The following KCNJ3 variants were observed in gnomAD, a reference collection of about 807,000 sequenced individuals.
The protein encoded by KCNJ3 is potassium inwardly rectifying channel subfamily J member 3, also known as G protein-activated inward rectifier potassium channel 1.
Under a neutral mutation model 39.2 loss-of-function variants are expected in KCNJ3, and 4 were observed. That is an observed-to-expected ratio of 0.10 (90% confidence interval 0.05 to 0.23). The LOEUF is 0.23. Among genes scored for constraint, KCNJ3 ranks in the 10% least tolerant of loss-of-function variants. The pLI, the probability that KCNJ3 is intolerant of heterozygous loss-of-function variation, is 1.00. For missense variants in KCNJ3, 276 were observed against 634.9 expected (o/e 0.43, Z 6.08); for synonymous variants, 230 against 237.4 (o/e 0.97, Z 0.29).
rs57495585 is a variant in KCNJ3, at chr2:154,798,188, G to GCACA, written c.920-56509_920-56506dup. On this transcript the variant is annotated intron_variant, in intron 2 of 2. Transcript: ENST00000295101. Reference sequence around the variant, plus strand: ...CACAAATACCCATCATTCGAACACCGCACACACACACACACACACACACAC... The same window carrying GCACA: ...CACAAATACCCATCATTCGAACACCGCACACACACACACACACACACACACACAC... 9.8e-3 allele frequency among the ~76,000 whole-genome samples: 1,123 copies of GCACA among 114,788 alleles called. 10 individuals carry two copies. Among genetic ancestry groups the GCACA allele is most frequent in the African/African-American group, 0.014 (468 of 32,362 alleles). The allele number at this position is 114,788 out of a possible 152,430, so 75.3% of individuals were successfully genotyped here.
At chr2:154,716,200 C>A (rs534727919) in intron 2 of KCNJ3, among the ~76,000 whole-genome samples, 4 of 151,410 alleles carry the variant, frequency 2.6e-5, no homozygotes, top group African/African-American at 9.7e-5. Context: ...GGGTTCATGC[C>A]GTGGGTTCAT....
At chr2:154,809,993 G>C (rs963953022) in intron 2 of KCNJ3, among the ~76,000 whole-genome samples, 3 of 152,016 alleles carry the variant, frequency 2.0e-5, no homozygotes, top group Admixed American at 6.6e-5. Context: ...GTTCAGTTCA[G>C]TATCACATAT....
chr2:154,828,774 T>G (rs1687312487), intron 2 of KCNJ3, among the ~76,000 whole-genome samples: 1 of 152,186 alleles, frequency 6.6e-6, no homozygotes, highest in Non-Finnish European at 1.5e-5. Flanking sequence ...AAGTCTTGTA[T>G]CTTTTCAAAA....
chr2:154,769,260 G>C (rs28877634), intron 2 of KCNJ3, among the ~76,000 whole-genome samples: 51,918 of 151,936 alleles, frequency 0.34, 9,596 homozygotes, highest in Non-Finnish European at 0.42. Context: ...TCCCTGTCTT[G>C]TGCCAGTTGT....
chr2:154,700,670 T>C (rs1684877542), intron 1 of KCNJ3, among the ~76,000 whole-genome samples: 1 of 152,210 alleles, frequency 6.6e-6, no homozygotes. Context: ...CAAGTATATA[T>C]TGTTTTACAC....
Position 154,764,379 on chromosome 2 carries a change from T to C in KCNJ3, c.919+54560T>C, listed in dbSNP as rs1322614000. 2.6e-5 allele frequency among the ~76,000 whole-genome samples: 4 copies of C among 152,186 alleles called. No homozygotes were observed. In the East Asian group the frequency reaches 5.8e-4, roughly 22 times the overall value. Reference sequence around the variant, plus strand: ...CCATGGTATGGCCACTTAATGACTGTGTGGACTTTTGTATAGACAACTTGC... The same window carrying C: ...CCATGGTATGGCCACTTAATGACTGCGTGGACTTTTGTATAGACAACTTGC... On this transcript the variant is annotated intron_variant, in intron 2 of 2. Coordinates refer to ENST00000295101, the MANE Select transcript of KCNJ3 (RefSeq NM_002239.4).
chr2:154,714,120 A>G (rs1410261038), intron 2 of KCNJ3, among the ~76,000 whole-genome samples: 1 of 152,108 alleles, frequency 6.6e-6, no homozygotes, highest in Admixed American at 6.5e-5. Flanking sequence ...TGTCTTTTAT[A>G]GCTACAAATG....
At chr2:154,829,455 C>G (rs1027118324) in intron 2 of KCNJ3, among the ~76,000 whole-genome samples, 1 of 152,096 alleles carries the variant, frequency 6.6e-6, no homozygotes. Flanking sequence ...GCAAAGAACA[C>G]GACCTTGTTC....
chr2:154,830,188 AT>A (rs1025275890), intron 2 of KCNJ3, among the ~76,000 whole-genome samples: 1 of 152,160 alleles, frequency 6.6e-6, no homozygotes, highest in African/African-American at 2.4e-5. Context: ...GTTTTAAATT[AT>A]GTTTCCTCAG....
chr2:154,811,966 G>C (rs1687014970), intron 2 of KCNJ3, among the ~76,000 whole-genome samples: 1 of 152,046 alleles, frequency 6.6e-6, no homozygotes, highest in African/African-American at 2.4e-5. Context: ...GTTTTCAATT[G>C]TTGGGCAAAG....
At chr2:154,756,847 A>G (rs993154892) in intron 2 of KCNJ3, among the ~76,000 whole-genome samples, 1 of 152,084 alleles carries the variant, frequency 6.6e-6, no homozygotes, top group African/African-American at 2.4e-5. Flanking sequence ...TTTAGAAAAA[A>G]AGCAAATTTA....
chr2:154,730,867 ACCTATAATTACTC>A (rs2105167143), intron 2 of KCNJ3, among the ~76,000 whole-genome samples: 1 of 152,198 alleles, frequency 6.6e-6, no homozygotes, highest in South Asian at 2.1e-4. Flanking sequence ...CCCTGCACTA[ACCTATAATTACTC>A]CCTATTTGAA....
Position 154,739,904 on chromosome 2 carries a change from C to T in KCNJ3, c.919+30085C>T, listed in dbSNP as rs149703088. ...CAGTCTTTTCATATGTGTTCAGCAA[C>T]GAATATGGCATTGTATCCTGTGGGG... On this transcript the variant is annotated intron_variant, in intron 2 of 2. Coordinates refer to ENST00000295101, the MANE Select transcript of KCNJ3 (RefSeq NM_002239.4). 1.1e-4 allele frequency among the ~76,000 whole-genome samples: 16 copies of T among 152,064 alleles called. No individual in the cohort carries two copies. In the East Asian group the frequency reaches 2.5e-3, roughly 24 times the overall value.
chr2:154,846,731 C>T (rs1008221155), intron 2 of KCNJ3, among the ~76,000 whole-genome samples: 1 of 152,094 alleles, frequency 6.6e-6, no homozygotes, highest in African/African-American at 2.4e-5. Context: ...CACTTATCTT[C>T]CTTTTTGAAC....
chr2:154,807,305 T>C (rs1686928311), intron 2 of KCNJ3, among the ~76,000 whole-genome samples: 1 of 152,178 alleles, frequency 6.6e-6, no homozygotes, highest in African/African-American at 2.4e-5. Context: ...AGAAAGTTAA[T>C]GCCTAGCATT....
intron 2 of KCNJ3, among the ~76,000 whole-genome samples, chr2:154,791,627 A>C (rs2105210683): frequency 6.6e-6 from 1 of 152,182 alleles, no homozygotes; most frequent in Admixed American, 6.5e-5. Flanking sequence ...GTGGTATAAA[A>C]GCTCTGAAAT....
At chr2:154,700,624 T>A (rs936295752) in intron 1 of KCNJ3, among the ~76,000 whole-genome samples, 5 of 152,226 alleles carry the variant, frequency 3.3e-5, no homozygotes, top group African/African-American at 1.2e-4. Context: ...GATCAATATT[T>A]GAGATTTTGC....
intron 2 of KCNJ3, among the ~76,000 whole-genome samples, chr2:154,799,963 C>T (rs1397848370): frequency 3.3e-5 from 5 of 152,072 alleles, no homozygotes; most frequent in Non-Finnish European, 7.4e-5. Flanking sequence ...TGGGATCTAG[C>T]TGGAGAGTGG....
intron 2 of KCNJ3, among the ~76,000 whole-genome samples, chr2:154,732,701 T>A (rs1685466830): frequency 6.6e-6 from 1 of 152,140 alleles, no homozygotes; most frequent in Non-Finnish European, 1.5e-5. Context: ...ACATCCCAAG[T>A]AGTTCACTAG....
Sources: gnomAD v4.1 joint callset for allele counts (sites outside exome capture counted in the v4.1 genomes callset) on GRCh38, gnomAD v4.1.1 for gene constraint, MANE v1.5 for transcripts, NCBI Gene and HGNC (gene_info 2026-07-23, HGNC 2026-07-21) for gene names.